Variants in ATAD2B observed in about 807,000 individuals in gnomAD.
ATAD2B encodes the protein ATPase family AAA domain containing 2B.
In ATAD2B, 40 loss-of-function variants were observed where a neutral mutation model predicts 167.6. The ratio of observed to expected loss-of-function variants is 0.24; its 90% confidence interval spans 0.19 to 0.31. The LOEUF (loss-of-function observed/expected upper bound fraction) is 0.31, where lower values mean the gene tolerates loss of function less well. ATAD2B is among the 10% of genes least tolerant of loss of function. The pLI is 1.00. For missense variants in ATAD2B, 1,242 were observed against 1,757.2 expected (o/e 0.71, Z 5.24); for synonymous variants, 579 against 596.5 (o/e 0.97, Z 0.43).
chr2:23,922,395 T>G (rs1464940685), intron 1 of ATAD2B, among the ~76,000 whole-genome samples: 1 of 151,800 alleles, frequency 6.6e-6, no homozygotes, highest in Non-Finnish European at 1.5e-5. Context: ...AAAGCCACAG[T>G]ATACAGGAGT....
intron 16 of ATAD2B, among the ~76,000 whole-genome samples, chr2:23,822,131 G>A (rs1020689718): frequency 1.3e-5 from 2 of 152,210 alleles, no homozygotes; most frequent in African/African-American, 4.8e-5. Flanking sequence ...ACAACAAAAT[G>A]ATTAGTTTAA....
At chr2:23,693,494 A>G in the ATAD2B span, 1 of 1,551,544 alleles carries the variant, frequency 6.4e-7, no homozygotes, top group South Asian at 1.2e-5. Context: ...ACAGTCATCA[A>G]GTGGATCAAG....
chr2:23,706,451 C>G, the ATAD2B span: 130 of 1,436,066 alleles, frequency 9.1e-5, no homozygotes, highest in South Asian at 1.8e-3. Flanking sequence ...AAGTGAAATG[C>G]CTAACTCTGT....
At chr2:23,804,979 C>T (rs999199285) in intron 18 of ATAD2B, among the ~76,000 whole-genome samples, 4 of 151,614 alleles carry the variant, frequency 2.6e-5, no homozygotes, top group African/African-American at 4.8e-5. Flanking sequence ...CCCAACTCTA[C>T]TAAAAATACA....
chr2:23,919,111 G>A (rs1235316914), intron 1 of ATAD2B, among the ~76,000 whole-genome samples: 2 of 152,118 alleles, frequency 1.3e-5, no homozygotes, highest in African/African-American at 4.8e-5. Context: ...GGAAGGCCAA[G>A]GTGGGAGGAT....
the ATAD2B span, chr2:23,703,958 C>A: frequency 7.4e-7 from 1 of 1,360,178 alleles, no homozygotes. Context: ...GTGACCATAG[C>A]AATTCCCAGG....
chr2:23,867,984 A>G (rs1695394826), intron 9 of ATAD2B, 38 bp from the exon 10 acceptor site: 1 of 1,383,894 alleles, frequency 7.2e-7, no homozygotes, highest in East Asian at 2.3e-5. Flanking sequence ...TTGCATTAAA[A>G]GTTTCACATT....
intron 23 of ATAD2B, among the ~76,000 whole-genome samples, chr2:23,763,003 A>T (rs1676942330): frequency 6.6e-6 from 1 of 152,202 alleles, no homozygotes; most frequent in African/African-American, 2.4e-5. Flanking sequence ...TCTTTAGCCC[A>T]AACATCTCTG....
chr2:23,706,622 A>G, the ATAD2B span: 3 of 1,536,114 alleles, frequency 2.0e-6, no homozygotes, highest in Non-Finnish European at 2.6e-6. Flanking sequence ...CTGTGTTCAG[A>G]CACGGCTGCG....
At chr2:23,854,696 C>G (rs2138531) in intron 13 of ATAD2B, among the ~76,000 whole-genome samples, 1 of 148,864 alleles carries the variant, frequency 6.7e-6, no homozygotes, top group Non-Finnish European at 1.5e-5. Context: ...AAAAAAAAAG[C>G]TAACGCTATT....
At chr2:23,907,194 G>A (rs1288637034) in intron 1 of ATAD2B, among the ~76,000 whole-genome samples, 4 of 152,060 alleles carry the variant, frequency 2.6e-5, no homozygotes, top group East Asian at 3.9e-4. Context: ...GTTTGCAGAC[G>A]ACATGATTGT....
intron 19 of ATAD2B, among the ~76,000 whole-genome samples, chr2:23,791,830 TG>T (rs1307244591): frequency 2.0e-5 from 3 of 152,348 alleles, no homozygotes; most frequent in South Asian, 2.1e-4. Context: ...TGAATGATGC[TG>T]TTGTGAACAT....
chr2:23,850,694 C>T (rs541558799), intron 13 of ATAD2B, among the ~76,000 whole-genome samples: 9 of 151,970 alleles, frequency 5.9e-5, no homozygotes, highest in African/African-American at 1.5e-4. Context: ...AATGAATAGA[C>T]GATTTGGGGG....
chr2:23,756,912 T>C (rs1676016147), intron 25 of ATAD2B, among the ~76,000 whole-genome samples: 1 of 152,198 alleles, frequency 6.6e-6, no homozygotes, highest in African/African-American at 2.4e-5. Flanking sequence ...GATGAATAAA[T>C]AGGCTTGGAG....
intron 8 of ATAD2B, among the ~76,000 whole-genome samples, chr2:23,871,109 C>A (rs377088132): frequency 1.4e-4 from 20 of 142,160 alleles, no homozygotes; most frequent in South Asian, 2.2e-4. Context: ...TAGTAATTTG[C>A]AAAAAAAAAA....
intron 27 of ATAD2B, among the ~76,000 whole-genome samples, chr2:23,752,750 A>C (rs1403328458): frequency 1.3e-5 from 2 of 152,064 alleles, no homozygotes; most frequent in Admixed American, 6.6e-5. Context: ...AACTTATGCC[A>C]AAAAGCAGAA....
chr2:23,721,841 C>T, the ATAD2B span, among the ~76,000 whole-genome samples: 4 of 152,238 alleles, frequency 2.6e-5, no homozygotes, highest in Non-Finnish European at 4.4e-5. Flanking sequence ...ACAGGGAGCC[C>T]GACCCCAAGC....
intron 19 of ATAD2B, among the ~76,000 whole-genome samples, chr2:23,790,941 A>G (rs940261128): frequency 6.6e-6 from 1 of 152,204 alleles, no homozygotes; most frequent in Non-Finnish European, 1.5e-5. Context: ...AAGTTTCCTC[A>G]GGCCTATCTG....
At chr2:23,884,728 C>G in intron 6 of ATAD2B, 37 bp downstream of exon 6, 1 of 1,277,026 alleles carries the variant, frequency 7.8e-7, no homozygotes, top group Non-Finnish European at 1.1e-6. Context: ...TCCCTCCCAC[C>G]TGAACTTTCT....
Sources: gnomAD v4.1 joint callset for allele counts (sites outside exome capture counted in the v4.1 genomes callset) on GRCh38, gnomAD v4.1.1 for gene constraint, MANE v1.5 for transcripts, NCBI Gene and HGNC (gene_info 2026-07-23, HGNC 2026-07-21) for gene names.